Variants in FILIP1 observed in about 807,000 individuals in gnomAD.
FILIP1 encodes the protein filamin-A-interacting protein 1.
FILIP1 carries 61 observed loss-of-function variants against 102.1 expected under a neutral mutation model. The observed-to-expected ratio is 0.60, with a 90% CI of 0.49 to 0.74. The LOEUF is 0.74. Ranked by LOEUF, FILIP1 falls within the 30% of genes least tolerant of loss-of-function variation. The pLI, the probability that FILIP1 is intolerant of heterozygous loss-of-function variation, is 0.00. For missense variants in FILIP1, 1,314 were observed against 1,441.2 expected (o/e 0.91, Z 1.43); for synonymous variants, 491 against 526.9 (o/e 0.93, Z 0.93).
At chr6:75,357,422 G>A (rs139759848) in intron 3 of FILIP1, 1 of 152,102 alleles carries the variant, frequency 6.6e-6, no homozygotes, top group African/African-American at 2.4e-5. Context: ...TTTTGAGACT[G>A]GTTGTTTGCA....
intron 2 of FILIP1, among the ~76,000 whole-genome samples, chr6:75,395,342 C>T (rs1004243886): frequency 1.3e-5 from 2 of 152,112 alleles, no homozygotes; most frequent in East Asian, 3.9e-4. Context: ...TGCAGTGGCA[C>T]GATCTTGGCT....
At chr6:75,370,569 CTTT>C (rs61384517) in intron 2 of FILIP1, among the ~76,000 whole-genome samples, 1 of 75,702 alleles carries the variant, frequency 1.3e-5, no homozygotes, top group African/African-American at 5.8e-5. Context: ...GGAGTCTCTT[CTTT>C]TTTTTTTTTT....
At chr6:75,410,530 T>C (rs1777029811) in intron 2 of FILIP1, among the ~76,000 whole-genome samples, 1 of 152,154 alleles carries the variant, frequency 6.6e-6, no homozygotes, top group South Asian at 2.1e-4. Flanking sequence ...GTATTTCTCC[T>C]AATGCTATCC....
Position 75,326,210 on chromosome 6 carries a change from G to A in FILIP1, c.630-11008C>T, listed in dbSNP as rs143323543. On this transcript the variant is annotated intron_variant, in intron 4 of 5. Coordinates refer to ENST00000237172, the MANE Select transcript of FILIP1 (RefSeq NM_015687.5). ...AATGGCATTCACAGCAACCTGGATGGAGTTGGAAACCATTATTCTAAGTGA... is the reference window on the plus strand; with the variant it reads ...AATGGCATTCACAGCAACCTGGATGAAGTTGGAAACCATTATTCTAAGTGA... Among the ~76,000 whole-genome samples, 482 of 152,154 alleles carry A rather than the reference G, an allele frequency of 3.2e-3. 1 individual carries two copies. Among genetic ancestry groups the A allele is most frequent in the African/African-American group, 0.011 (463 of 41,494 alleles).
chr6:75,363,271 G>T (rs1489120856), intron 2 of FILIP1, among the ~76,000 whole-genome samples: 3 of 152,160 alleles, frequency 2.0e-5, no homozygotes, highest in African/African-American at 7.2e-5. Context: ...GTCAATGACA[G>T]TCTAAAATCT....
In FILIP1 at chr6:75,308,376, T is replaced by C; in HGVS notation, c.*315A>G. On this transcript the variant is annotated 3_prime_UTR_variant, in exon 6 of 6. Coordinates refer to ENST00000237172, the MANE Select transcript of FILIP1 (RefSeq NM_015687.5). ...GGAGCCGGACTTGAAGAGCGTGTGA[T>C]TGAGTCCCCACATCTAACTGATGAG... 1 of 1,073,964 alleles carries C rather than the reference T, an allele frequency of 9.3e-7. No homozygotes were observed. Among genetic ancestry groups the C allele is most frequent in the South Asian group, 3.1e-5 (1 of 32,464 alleles). The allele number at this position is 1,073,964 out of a possible 1,614,324, so 66.5% of individuals were successfully genotyped here.
At position 75,315,097 on chromosome 6, in the gene FILIP1, G is replaced by T; in HGVS notation, c.735C>A (p.Ser245=). ...KLRDELVKLK[S]FALMLVDERQ... The stretch of plus-strand genomic sequence containing the variant: ...TTTCATCCACCAGCATGAGTGCAAA[G>T]GATTTGAGTTTAACAAGCTCATCTC... Residue 245 remains serine (S), a synonymous_variant, in exon 5 of 6, where the codon TCC becomes TCA. Transcript: ENST00000237172. The T allele has an allele frequency of 1.9e-6, 3 of 1,613,464 alleles. No individual in the cohort carries two copies. The highest frequency in any genetic ancestry group is 2.5e-6 in the Non-Finnish European group (3 of 1,179,828).
chr6:75,340,524 A>G (rs1350280969), intron 4 of FILIP1, among the ~76,000 whole-genome samples: 2 of 152,178 alleles, frequency 1.3e-5, no homozygotes, highest in Non-Finnish European at 2.9e-5. Flanking sequence ...TTTTATACCT[A>G]TATAATCTAT....
intron 1 of FILIP1, among the ~76,000 whole-genome samples, chr6:75,479,730 G>A (rs935563048): frequency 2.0e-5 from 3 of 151,844 alleles, no homozygotes; most frequent in Non-Finnish European, 4.4e-5. Context: ...TTAGCCTGGC[G>A]TGGTGGCACA....
At chr6:75,303,766 AGAG>A (rs1772907173), downstream of FILIP1, among the ~76,000 whole-genome samples, 1 of 152,018 alleles carries the variant, frequency 6.6e-6, no homozygotes, top group East Asian at 1.9e-4. Context: ...AGAGAGAGAG[AGAG>A]AGAAAGAGAG....
chr6:75,339,534 T>C (rs962740240), intron 4 of FILIP1, among the ~76,000 whole-genome samples: 1 of 152,244 alleles, frequency 6.6e-6, no homozygotes, highest in African/African-American at 2.4e-5. Context: ...GCTCTTCACA[T>C]TCACTTTTTT....
At chr6:75,485,397 T>G (rs1779754996) in intron 1 of FILIP1, among the ~76,000 whole-genome samples, 1 of 152,186 alleles carries the variant, frequency 6.6e-6, no homozygotes, top group Non-Finnish European at 1.5e-5. Flanking sequence ...GCTAGTATAG[T>G]TGTGACAAGT....
chr6:75,343,115 G>C (rs1179084024), intron 4 of FILIP1, among the ~76,000 whole-genome samples: 1 of 152,120 alleles, frequency 6.6e-6, no homozygotes, highest in Non-Finnish European at 1.5e-5. Flanking sequence ...CCTTATAAGA[G>C]TTGGAAGAGA....
chr6:75,313,873 C>A lies in FILIP1; in HGVS notation c.1959G>T (p.Leu653Phe). 1 of 1,614,150 alleles carries A rather than the reference C, an allele frequency of 6.2e-7. No individual in the cohort carries two copies. The highest frequency in any genetic ancestry group is 1.1e-5 in the South Asian group (1 of 91,080). Residue 653 changes from leucine (L) to phenylalanine (F), a missense_variant, in exon 5 of 6, where the codon TTG (leucine) becomes TTT (phenylalanine). By Grantham distance (22) the Leu-to-Phe change is conservative. Transcript: ENST00000237172. The surrounding 1 kb of genome is among the most constrained non-coding windows in gnomAD (Gnocchi z 4.2). Reference sequence around the variant, plus strand: ...GATCATACTCATCTTCTGTCTTCATCAAATCCCCTTCGACCACTTCCAATT... The same window carrying A: ...GATCATACTCATCTTCTGTCTTCATAAAATCCCCTTCGACCACTTCCAATT... ...LQQLEVVEGD[L>F]MKTEDEYDQL...
intron 2 of FILIP1, among the ~76,000 whole-genome samples, chr6:75,363,904 A>G (rs1478601249): frequency 1.3e-5 from 2 of 152,208 alleles, no homozygotes; most frequent in African/African-American, 4.8e-5. Flanking sequence ...TTTCTCCTAT[A>G]TTGATGCTAA....
chr6:75,314,077 T>C lies in FILIP1; in HGVS notation c.1755A>G (p.Lys585=), dbSNP rs771149825. Residue 585 remains lysine, a synonymous_variant, in exon 5 of 6, where the codon AAA becomes AAG. Transcript: ENST00000237172. ...CAACACTGCAGCTTAATTCAGAGGA[T>C]TTTTCTTCTTCACTTTTCAATTTGC... The part of the protein sequence containing the change: ...LIGKLKSEEE[K]SSELSCSVDL... The C allele has an allele frequency of 6.6e-6, 10 of 1,504,992 alleles. No homozygotes were observed. Among genetic ancestry groups the C allele is most frequent in the African/African-American group, 1.4e-5 (1 of 70,244 alleles). The allele number at this position is 1,504,992 out of a possible 1,614,324, so 93.2% of individuals were successfully genotyped here. A position where few individuals can be genotyped will look rare whatever the true frequency, so the allele number is the denominator to read the frequency against.
intron 1 of FILIP1, among the ~76,000 whole-genome samples, chr6:75,442,696 T>C (rs1778309334): frequency 6.7e-6 from 1 of 149,816 alleles, no homozygotes; most frequent in Non-Finnish European, 1.5e-5. Flanking sequence ...TGAGCCGAGA[T>C]GGCAGCAGTA....
At position 75,362,876 on chromosome 6, in the gene FILIP1, G is replaced by T; in HGVS notation, c.318C>A (p.Thr106=). The change falls in exon 3 of 6, where the codon ACC becomes ACA. Residue 106 remains threonine (T), a synonymous_variant. Coordinates refer to ENST00000237172, the MANE Select transcript of FILIP1 (RefSeq NM_015687.5). Reference sequence around the variant, plus strand: ...AATGAGCCTCCAGAACCTCAGGCTTGGTTTTCTCTGTCTTCAGCATGTGGA... The same window carrying T: ...AATGAGCCTCCAGAACCTCAGGCTTTGTTTTCTCTGTCTTCAGCATGTGGA... ...DVIHMLKTEK[T]KPEVLEAHYG... 1 of 1,613,880 alleles carries T rather than the reference G, an allele frequency of 6.2e-7. No homozygotes were observed.
intron 1 of FILIP1, among the ~76,000 whole-genome samples, chr6:75,431,081 T>C (rs986591570): frequency 1.3e-5 from 2 of 152,174 alleles, no homozygotes; most frequent in African/African-American, 4.8e-5. Context: ...AGTTTGTCCT[T>C]CATACGGCAC....
Sources: allele counts gnomAD v4.1 joint callset (sites outside exome capture counted in the v4.1 genomes callset), GRCh38; gene constraint gnomAD v4.1.1; non-coding constraint Gnocchi (gnomAD v3.1); transcripts MANE v1.5; gene names NCBI Gene and HGNC (gene_info 2026-07-23, HGNC 2026-07-21).